Variants in ANGEL2 observed in about 807,000 individuals in gnomAD.
ANGEL2 encodes angel homolog 2, also known as RNA 2',3'-cyclic phosphatase ANGEL2.
Under a neutral mutation model 66.0 loss-of-function variants are expected in ANGEL2, and 41 were observed. The observed-to-expected ratio is 0.62, with a 90% CI of 0.48 to 0.81. ANGEL2 has a LOEUF of 0.81. Among genes scored for constraint, ANGEL2 ranks in the 30% least tolerant of loss-of-function variants. ANGEL2 has a pLI of 0.00. For synonymous variants in ANGEL2, 208 were observed against 226.5 expected (o/e 0.92, Z 0.73); for missense variants, 561 against 641.6 (o/e 0.87, Z 1.36).
intron 2 of ANGEL2, chr1:213,011,097 T>G: frequency 1.8e-6 from 2 of 1,111,254 alleles, no homozygotes; most frequent in Non-Finnish European, 2.4e-6. Context: ...AGAAATGTGT[T>G]CAAATATGAG....
intron 2 of ANGEL2, chr1:213,011,282 A>G: frequency 1.6e-6 from 2 of 1,284,578 alleles, no homozygotes; most frequent in Non-Finnish European, 1.0e-6. Context: ...AATAGGCCTG[A>G]TCAGGTTTTT....
rs545629380 is a variant in ANGEL2, at chr1:213,008,022, C to T, written c.642+188G>A. Among the ~76,000 whole-genome samples the T allele has an allele frequency of 2.6e-5, 4 of 152,082 alleles. No individual in the cohort carries two copies. The South Asian group carries it at 8.3e-4, about 32-fold the overall frequency. On this transcript the variant is annotated intron_variant, in intron 3 of 8. Transcript: ENST00000366962. ...GGGATTACAGGCATGAGCCACCACG[C>T]CCGGCTAATTTTGTATGTTTTAGTA...
Position 213,008,507 on chromosome 1 carries a change from AG to A in ANGEL2, c.386-42del, listed in dbSNP as rs758054133. The stretch of plus-strand genomic sequence containing the variant: ...GCACAAATATAAGGAATTAATCAAA[AG>A]CAGACCATACAGTTTCCCACATATA... On this transcript the variant is annotated intron_variant, in intron 2 of 8. Coordinates refer to ENST00000366962, the MANE Select transcript of ANGEL2 (RefSeq NM_144567.5). 136 of 1,584,080 alleles carry A rather than the reference AG, an allele frequency of 8.6e-5. 2 individuals are homozygous for A. In the South Asian group the frequency reaches 1.5e-3, roughly 17 times the overall value.
intron 5 of ANGEL2, chr1:213,001,545 G>A (rs959496688): frequency 5.3e-5 from 8 of 152,214 alleles, no homozygotes; most frequent in Admixed American, 3.9e-4. Context: ...TGCTTAAAGT[G>A]GGGGTTGGCT....
At position 213,013,302 on chromosome 1, in the gene ANGEL2, C is replaced by G; in HGVS notation, c.176G>C (p.Gly59Ala). The G allele has an allele frequency of 6.2e-7, 1 of 1,614,140 alleles. No individual in the cohort carries two copies. Among genetic ancestry groups the G allele is most frequent in the Middle Eastern group, 1.6e-4 (1 of 6,062 alleles). The change falls in exon 2 of 9, where the codon GGA (glycine) becomes GCA (alanine). Residue 59 changes from glycine to alanine, a missense_variant. Transcript: ENST00000366962. ...RHISSCMRWP[G>A]HYSRAPYPYF... ...TGGGTAAGGAGCTCGAGAGTAATGT[C>G]CAGGCCACCTCATACAACTAGAAAT... is the stretch of plus-strand genomic sequence containing the variant.
chr1:213,013,505 T>C, intron 1 of ANGEL2, 87 bp from the exon 2 acceptor site: 1 of 1,210,828 alleles, frequency 8.3e-7, no homozygotes, highest in Non-Finnish European at 1.2e-6. Context: ...CAAGGGAAGG[T>C]AATGTCTAAT....
chr1:213,009,701 A>G (rs2076444532), intron 2 of ANGEL2, among the ~76,000 whole-genome samples: 1 of 152,224 alleles, frequency 6.6e-6, no homozygotes, highest in Non-Finnish European at 1.5e-5. Flanking sequence ...TGCACAATAC[A>G]TTTACAATCA....
chr1:213,004,792 C>T lies in ANGEL2; in HGVS notation c.1134+241G>A, dbSNP rs145772343. On this transcript the variant is annotated intron_variant, in intron 5 of 8. Coordinates refer to ENST00000366962, the MANE Select transcript of ANGEL2 (RefSeq NM_144567.5). ...CTGAGGCAGGAGAATCACTTGAACC[C>T]GGGAGGTGGAGCTTGCAGTGAGCTG... Among the ~76,000 whole-genome samples, 1,310 of 142,790 alleles carry T rather than the reference C, an allele frequency of 9.2e-3. 44 individuals carry two copies. The highest frequency in any genetic ancestry group is 0.079 in the East Asian group (363 of 4,576). The allele number at this position is 142,790 out of a possible 152,430, so 93.7% of individuals were successfully genotyped here. A position where few individuals can be genotyped will look rare whatever the true frequency, so the allele number is the denominator to read the frequency against.
Position 213,015,628 on chromosome 1 carries a change from A to C in ANGEL2, c.44T>G (p.Val15Gly). ...RCVRKGYGHCVVGRGRYPMFP... is the reference protein window; with the variant it reads ...RCVRKGYGHCGVGRGRYPMFP... ...CCCTACTGACCGGCCTCTTCCCACC[A>C]CACAGTGGCCGTAGCCCTTCCTCAC... The change falls in exon 1 of 9, where the codon GTG becomes GGG. Residue 15 changes from valine to glycine, a missense_variant. Transcript: ENST00000366962. 6.3e-7 allele frequency: 1 copy of C among 1,592,448 alleles called. No homozygotes were observed. The highest frequency in any genetic ancestry group is 8.5e-7 in the Non-Finnish European group (1 of 1,170,900).
intron 8 of ANGEL2, among the ~76,000 whole-genome samples, chr1:212,996,906 G>C (rs1160883800): frequency 6.6e-6 from 1 of 152,022 alleles, no homozygotes; most frequent in Non-Finnish European, 1.5e-5. Context: ...AGGCTGACTG[G>C]AACTGGAGGG....
intron 1 of ANGEL2, chr1:213,015,038 A>G (rs915092335): frequency 2.2e-6 from 2 of 889,418 alleles, no homozygotes; most frequent in African/African-American, 3.6e-5. Flanking sequence ...TTTTAAAAAA[A>G]ACTGAGTCAA....
chr1:213,007,186 GCAAA>G lies in ANGEL2; in HGVS notation c.651_654del (p.Leu218LysfsTer50). Reference sequence around the variant, plus strand: ...CCATAATGATCTTCTTGAACTTCTTGCAAACAAAGTACCTTGGAAGAAAAAAATA... The same window carrying G: ...CCATAATGATCTTCTTGAACTTCTTGCAAAGTACCTTGGAAGAAAAAAATA... On this transcript the variant is annotated frameshift_variant, in exon 4 of 9. Transcript: ENST00000366962. LOFTEE classifies it high-confidence loss of function. The G allele has an allele frequency of 6.4e-7, 1 of 1,571,454 alleles. No homozygotes were observed. The highest frequency in any genetic ancestry group is 8.6e-7 in the Non-Finnish European group (1 of 1,162,722).
At chr1:213,007,370 C>T (rs997913732) in intron 3 of ANGEL2, among the ~76,000 whole-genome samples, 172 bp from the exon 4 acceptor site, 2 of 152,056 alleles carry the variant, frequency 1.3e-5, no homozygotes, top group South Asian at 2.1e-4. Flanking sequence ...TTAATGTTTC[C>T]GAATTTTGAT....
chr1:212,995,740 T>A (rs1226556402), intron 8 of ANGEL2, among the ~76,000 whole-genome samples: 1 of 152,178 alleles, frequency 6.6e-6, no homozygotes, highest in Non-Finnish European at 1.5e-5. Flanking sequence ...AGCAGGCATA[T>A]TTTTTGTAGA....
chr1:212,996,634 AAAAAAAATATATAT>A (rs2076019772), intron 8 of ANGEL2, among the ~76,000 whole-genome samples: 1 of 49,202 alleles, frequency 2.0e-5, no homozygotes, highest in African/African-American at 4.3e-5. Flanking sequence ...AAAAAAAAAA[AAAAAAAATATATAT>A]ATATATATAT....
intron 5 of ANGEL2, among the ~76,000 whole-genome samples, chr1:213,003,772 A>C (rs1331152100): frequency 1.3e-5 from 2 of 152,234 alleles, no homozygotes; most frequent in Admixed American, 6.5e-5. Context: ...GAAAAATGGC[A>C]ATGATAGAGC....
Position 213,015,794 on chromosome 1 carries a change from C to T in ANGEL2, c.-123G>A. 1 of 1,338,808 alleles carries T rather than the reference C, an allele frequency of 7.5e-7. No individual in the cohort carries two copies. The highest frequency in any genetic ancestry group is 1.0e-6 in the Non-Finnish European group (1 of 956,476). 82.9% of individuals were successfully genotyped at this position (1,338,808 alleles called of 1,614,324 possible). ...TCTTAAGTACCGACTCCAGTCCTGG[C>T]TGCAAGGCATGCTGGGAGGTGCAGT... On this transcript the variant is annotated 5_prime_UTR_variant, in exon 1 of 9. Coordinates refer to ENST00000366962, the MANE Select transcript of ANGEL2 (RefSeq NM_144567.5).
Position 213,013,284 on chromosome 1 carries a change from G to A in ANGEL2, c.194C>T (p.Pro65Leu), listed in dbSNP as rs765574907. The part of the protein sequence containing the change: ...MRWPGHYSRA[P>L]YPYFSSRHFS... The stretch of plus-strand genomic sequence containing the variant: ...ATGCCTACTACTGAAGTATGGGTAA[G>A]GAGCTCGAGAGTAATGTCCAGGCCA... Residue 65 changes from proline (P) to leucine (L), a missense_variant, in exon 2 of 9, where the codon CCT becomes CTT. Coordinates refer to ENST00000366962, the MANE Select transcript of ANGEL2 (RefSeq NM_144567.5). 17 of 1,614,144 alleles carry A rather than the reference G, an allele frequency of 1.1e-5. No individual in the cohort carries two copies. In the African/African-American group the frequency reaches 1.7e-4, roughly 16 times the overall value.
rs1053884969 is a variant in ANGEL2 at position 213,000,505 on chromosome 1, C to A, written c.1262-122G>T. On this transcript the variant is annotated intron_variant, in intron 6 of 8. Coordinates refer to ENST00000366962, the MANE Select transcript of ANGEL2 (RefSeq NM_144567.5). The stretch of plus-strand genomic sequence containing the variant: ...TAGAAAGATGCCTAGTTACATGTTT[C>A]ATTCTGGAATCTATATATTTCGATG... 5 of 903,000 alleles carry A rather than the reference C, an allele frequency of 5.5e-6. 1 individual carries two copies. The African/African-American group carries it at 8.4e-5, about 15-fold the overall frequency. The allele number at this position is 903,000 out of a possible 1,614,324, so 55.9% of individuals were successfully genotyped here.
Sources: gnomAD v4.1 joint callset for allele counts (sites outside exome capture counted in the v4.1 genomes callset) on GRCh38, gnomAD v4.1.1 for gene constraint, MANE v1.5 for transcripts, NCBI Gene and HGNC (gene_info 2026-07-23, HGNC 2026-07-21) for gene names.